PCSK2: variants seen among roughly 807,000 people sequenced by gnomAD.
The protein encoded by PCSK2 is proprotein convertase subtilisin/kexin type 2.
PCSK2 carries 14 observed loss-of-function variants against 69.7 expected under a neutral mutation model. The observed-to-expected ratio is 0.20, with a 90% CI of 0.13 to 0.31. The LOEUF is 0.31. PCSK2 is among the 10% of genes least tolerant of loss of function. The pLI is 1.00. For missense variants in PCSK2, 544 were observed against 842.5 expected, an observed-to-expected ratio of 0.65 and a Z score of 4.39; for synonymous variants, 307 against 320.7, an observed-to-expected ratio of 0.96 and a Z score of 0.46.
intron 5 of PCSK2, among the ~76,000 whole-genome samples, chr20:17,388,748 G>T (rs2031300189): frequency 6.6e-6 from 1 of 152,102 alleles, no homozygotes; most frequent in East Asian, 1.9e-4. Flanking sequence ...GCGCTGAATA[G>T]CATTTATGAT....
At chr20:17,462,842 A>G (rs1313898862) in intron 10 of PCSK2, among the ~76,000 whole-genome samples, 3 of 152,210 alleles carry the variant, frequency 2.0e-5, no homozygotes, top group African/African-American at 7.2e-5. Flanking sequence ...CAGATACTCC[A>G]TAAATTTATT....
At chr20:17,452,475 A>G (rs1169775211) in intron 8 of PCSK2, among the ~76,000 whole-genome samples, 1 of 152,232 alleles carries the variant, frequency 6.6e-6, no homozygotes, top group Non-Finnish European at 1.5e-5. Flanking sequence ...GGCAGAGAGC[A>G]CTTGGAGGTA....
chr20:17,286,630 A>G (rs1228277050), intron 2 of PCSK2, among the ~76,000 whole-genome samples: 2 of 152,214 alleles, frequency 1.3e-5, no homozygotes, highest in Non-Finnish European at 2.9e-5. Flanking sequence ...AATGCTTTGG[A>G]TATTACCTTT....
intron 2 of PCSK2, among the ~76,000 whole-genome samples, chr20:17,355,046 T>A (rs6034802): frequency 0.25 from 37,428 of 152,126 alleles, 5,231 homozygotes; most frequent in African/African-American, 0.38. Flanking sequence ...ACTCCTAAAT[T>A]GCTGAGTTGC....
rs67695913 is a variant in PCSK2, at chr20:17,287,431, CTGTGTGTG to C, written c.282+27113_282+27120del. The stretch of plus-strand genomic sequence containing the variant: ...GGATCTTGCACCAGCATGTGCGTGT[CTGTGTGTG>C]TGTGTGTGTGTGTGTGTGTGTGTGT... On this transcript the variant is annotated intron_variant, in intron 2 of 11. Transcript: ENST00000262545. 3.2e-3 allele frequency among the ~76,000 whole-genome samples: 464 copies of C among 146,026 alleles called. 1 individual carries two copies. Among genetic ancestry groups the C allele is most frequent in the Non-Finnish European group, 3.4e-3 (224 of 66,680 alleles).
intron 8 of PCSK2, among the ~76,000 whole-genome samples, chr20:17,442,773 A>G (rs1173073574): frequency 6.6e-6 from 1 of 152,222 alleles, no homozygotes; most frequent in Non-Finnish European, 1.5e-5. Context: ...CTAAAAATAA[A>G]GCCCTTTTAC....
intron 1 of PCSK2, chr20:17,228,255 G>A (rs1346532334): frequency 6.6e-6 from 1 of 152,526 alleles, no homozygotes; most frequent in African/African-American, 2.4e-5. Flanking sequence ...AGAGCGTGGG[G>A]ATCCCCATTC....
rs1454129545 is a variant in PCSK2, at chr20:17,482,159, A to G, written c.*89A>G. The G allele has an allele frequency of 3.2e-6, 4 of 1,247,130 alleles. No individual in the cohort carries two copies. The highest frequency in any genetic ancestry group is 4.4e-6 in the Non-Finnish European group (4 of 917,378). The allele number at this position is 1,247,130 out of a possible 1,614,324, so 77.3% of individuals were successfully genotyped here. On this transcript the variant is annotated 3_prime_UTR_variant, in exon 12 of 12. Coordinates refer to ENST00000262545, the MANE Select transcript of PCSK2 (RefSeq NM_002594.5). ...TTTCAGGCAGGCACCTAGCAATTCC[A>G]TCACCCGTACAGGCAATTCCGTCTT...
At chr20:17,366,786 C>T (rs2030605929) in intron 4 of PCSK2, among the ~76,000 whole-genome samples, 1 of 152,128 alleles carries the variant, frequency 6.6e-6, no homozygotes, top group East Asian at 1.9e-4. Context: ...TTCCTCTTAA[C>T]CTAATTTAAG....
At chr20:17,390,598 G>T (rs1329738466) in intron 5 of PCSK2, among the ~76,000 whole-genome samples, 2 of 152,142 alleles carry the variant, frequency 1.3e-5, no homozygotes, top group African/African-American at 4.8e-5. Flanking sequence ...GATGATAGAT[G>T]TCAGGGCACT....
Position 17,300,179 on chromosome 20 carries a change from T to G in PCSK2, c.282+39835T>G, listed in dbSNP as rs149200238. Among the ~76,000 whole-genome samples, 775 of 152,340 alleles carry G rather than the reference T, an allele frequency of 5.1e-3. 6 individuals are homozygous for G. The highest frequency in any genetic ancestry group is 0.023 in the East Asian group (120 of 5,178). ...CCAGCCTGACTCCCACCCCTTCTGC[T>G]GAGGCAGCCATGAGTTAGCCCCAGC... On this transcript the variant is annotated intron_variant, in intron 2 of 11. Transcript: ENST00000262545.
chr20:17,294,507 C>T (rs997475607), intron 2 of PCSK2, among the ~76,000 whole-genome samples: 2 of 152,194 alleles, frequency 1.3e-5, no homozygotes, highest in Non-Finnish European at 2.9e-5. Flanking sequence ...CTTTATTTCT[C>T]CTGCCCTCAC....
intron 2 of PCSK2, among the ~76,000 whole-genome samples, chr20:17,293,079 C>A (rs1988751983): frequency 1.3e-5 from 2 of 152,170 alleles, no homozygotes; most frequent in Admixed American, 1.3e-4. Context: ...CCTGCCTCGG[C>A]CTCTCAAAGT....
chr20:17,432,073 A>C (rs1338779306), intron 7 of PCSK2, among the ~76,000 whole-genome samples: 1 of 152,172 alleles, frequency 6.6e-6, no homozygotes, highest in Non-Finnish European at 1.5e-5. Context: ...CCCAAAGTTA[A>C]AATGTGGTTG....
intron 3 of PCSK2, 55 bp from the exon 4 acceptor site, chr20:17,360,477 G>T: frequency 9.8e-7 from 1 of 1,024,036 alleles, no homozygotes; most frequent in Non-Finnish European, 1.5e-6. Flanking sequence ...TATGTACATG[G>T]GTGCTTTACA....
At chr20:17,399,875 A>AT (rs1236467718) in intron 5 of PCSK2, among the ~76,000 whole-genome samples, 8 of 151,832 alleles carry the variant, frequency 5.3e-5, no homozygotes, top group East Asian at 1.9e-4. Context: ...AGAGAGTATG[A>AT]TTTTTTTTTA....
At chr20:17,394,663 ATT>A in intron 5 of PCSK2, among the ~76,000 whole-genome samples, 1 of 152,288 alleles carries the variant, frequency 6.6e-6, no homozygotes, top group South Asian at 2.1e-4. Flanking sequence ...AGGGCAGAGT[ATT>A]TCCTTCCCAA....
intron 8 of PCSK2, among the ~76,000 whole-genome samples, chr20:17,440,955 G>A: frequency 6.6e-6 from 1 of 152,030 alleles, no homozygotes; most frequent in Non-Finnish European, 1.5e-5. Context: ...CAGACATCCT[G>A]ATCCAAGGTG....
chr20:17,257,668 A>G (rs973323071), intron 1 of PCSK2, among the ~76,000 whole-genome samples: 1 of 152,172 alleles, frequency 6.6e-6, no homozygotes, highest in Admixed American at 6.5e-5. Context: ...TGTTGTGTAT[A>G]TCGGGACATA....
Sources: allele counts gnomAD v4.1 joint callset (sites outside exome capture counted in the v4.1 genomes callset), GRCh38; gene constraint gnomAD v4.1.1; transcripts MANE v1.5; gene names NCBI Gene and HGNC (gene_info 2026-07-23, HGNC 2026-07-21).